ZNG1A: variants seen among roughly 807,000 people sequenced by gnomAD.
ZNG1A encodes the protein zinc-regulated GTPase metalloprotein activator 1A.
At chr9:147,384 A>G in the ZNG1A span, 1 of 60,520 alleles carries the variant, frequency 1.7e-5, no homozygotes, top group East Asian at 3.0e-4. Context: ...GCACAAACAT[A>G]TAAGAAAAAC....
the ZNG1A span, among the ~76,000 whole-genome samples, chr9:127,037 A>T: frequency 6.6e-6 from 1 of 152,116 alleles, no homozygotes; most frequent in African/African-American, 2.4e-5. Flanking sequence ...CTGTGGTCTG[A>T]CAGAGTGCTT....
chr9:163,036 A>C, the ZNG1A span, among the ~76,000 whole-genome samples: 1 of 151,326 alleles, frequency 6.6e-6, no homozygotes, highest in South Asian at 2.1e-4. Context: ...CTGATAACAA[A>C]AGAATGAGTT....
At chr9:127,509 T>C in the ZNG1A span, among the ~76,000 whole-genome samples, 2 of 150,764 alleles carry the variant, frequency 1.3e-5, no homozygotes, top group Admixed American at 6.6e-5. Flanking sequence ...CCTGCTCACA[T>C]TTGGTGTCCG....
the ZNG1A span, among the ~76,000 whole-genome samples, chr9:171,425 T>A: frequency 1.5e-4 from 23 of 151,980 alleles, no homozygotes; most frequent in African/African-American, 5.6e-4. Context: ...CTAAAAGTTA[T>A]TTGGGGAAAA....
chr9:177,751 G>A, the ZNG1A span: 1 of 1,536,980 alleles, frequency 6.5e-7, no homozygotes, highest in African/African-American at 1.4e-5. Context: ...AGGCCCGAGC[G>A]GCACGTTTGA....
chr9:127,119 A>G, the ZNG1A span, among the ~76,000 whole-genome samples: 2 of 152,106 alleles, frequency 1.3e-5, no homozygotes, highest in African/African-American at 4.8e-5. Flanking sequence ...ATCTTACAGA[A>G]AGTTCATGTG....
chr9:124,983 G>C, the ZNG1A span, among the ~76,000 whole-genome samples: 2 of 152,296 alleles, frequency 1.3e-5, no homozygotes, highest in African/African-American at 4.8e-5. Flanking sequence ...TTGGTTCCAC[G>C]TTTTTGCAAT....
chr9:163,865 C>T, the ZNG1A span: 50 of 1,083,828 alleles, frequency 4.6e-5, 1 homozygote, highest in South Asian at 2.5e-4. Context: ...TGCAGTGAGC[C>T]GAGATCATGC....
At chr9:144,522 T>G in the ZNG1A span, among the ~76,000 whole-genome samples, 67 of 152,204 alleles carry the variant, frequency 4.4e-4, no homozygotes, top group Non-Finnish European at 8.7e-4. Flanking sequence ...GATCCCTTCC[T>G]TACACCTTAT....
the ZNG1A span, among the ~76,000 whole-genome samples, chr9:152,536 C>G: frequency 6.6e-6 from 1 of 151,594 alleles, no homozygotes; most frequent in African/African-American, 2.4e-5. Context: ...TTGCCCCCAG[C>G]CTGTCCTTAG....
At chr9:161,823 C>G in the ZNG1A span, among the ~76,000 whole-genome samples, 1 of 151,650 alleles carries the variant, frequency 6.6e-6, no homozygotes, top group Non-Finnish European at 1.5e-5. Context: ...GCCAAAAGAC[C>G]AAGAAGCGAT....
chr9:162,863 C>G, the ZNG1A span, among the ~76,000 whole-genome samples: 1 of 150,896 alleles, frequency 6.6e-6, no homozygotes, highest in East Asian at 1.9e-4. Flanking sequence ...TAATCAAAAT[C>G]AAGACTTTTC....
chr9:139,698 C>A, the ZNG1A span, among the ~76,000 whole-genome samples: 1 of 151,698 alleles, frequency 6.6e-6, no homozygotes, highest in South Asian at 2.1e-4. Context: ...TCTACAGCTC[C>A]CAGCGTGAGA....
the ZNG1A span, chr9:154,704 C>T: frequency 6.7e-5 from 106 of 1,591,254 alleles, no homozygotes; most frequent in South Asian, 1.1e-3. Context: ...CTTATCATTT[C>T]GTACCTAATT....
the ZNG1A span, chr9:147,179 A>AG: frequency 1.1e-5 from 1 of 91,812 alleles, no homozygotes; most frequent in African/African-American, 4.3e-5. Flanking sequence ...CCGCCTCAAA[A>AG]GAAAAAAAAA....
chr9:174,019 T>C, the ZNG1A span, among the ~76,000 whole-genome samples: 5 of 151,810 alleles, frequency 3.3e-5, no homozygotes, highest in South Asian at 4.2e-4. Context: ...TGGTAGCGGG[T>C]GCCTGTAGTC....
At chr9:171,791 C>T in the ZNG1A span, 1 of 398,274 alleles carries the variant, frequency 2.5e-6, no homozygotes, top group Non-Finnish European at 4.7e-6. Context: ...CGTCTCTGCT[C>T]TTCCTACATG....
the ZNG1A span, among the ~76,000 whole-genome samples, chr9:165,204 G>C: frequency 6.6e-6 from 1 of 151,618 alleles, no homozygotes; most frequent in African/African-American, 2.4e-5. Context: ...TTAATGAGGG[G>C]GGAAATTAAA....
the ZNG1A span, among the ~76,000 whole-genome samples, chr9:159,007 T>C: frequency 2.0e-5 from 3 of 152,248 alleles, no homozygotes; most frequent in South Asian, 2.1e-4. Context: ...ATTTGGTCAT[T>C]AAGTCAGATG....
Sources: allele counts gnomAD v4.1 joint callset (sites outside exome capture counted in the v4.1 genomes callset), GRCh38; gene constraint gnomAD v4.1.1; transcripts MANE v1.5; gene names NCBI Gene and HGNC (gene_info 2026-07-23, HGNC 2026-07-21).